CRPPA: variants seen among roughly 807,000 people sequenced by gnomAD.
The protein encoded by CRPPA is D-ribitol-5-phosphate cytidylyltransferase.
A neutral mutation model predicts 52.0 loss-of-function variants in CRPPA; 43 were observed. The ratio of observed to expected loss-of-function variants is 0.83; its 90% CI spans 0.65 to 1.07. The LOEUF (loss-of-function observed/expected upper bound fraction) is 1.07, where lower values mean the gene tolerates loss of function less well. Ranked by LOEUF, CRPPA falls within the 50% of genes least tolerant of loss-of-function variation. CRPPA has a pLI of 0.00. For synonymous variants in CRPPA, 250 were observed against 203.5 expected, an observed-to-expected ratio of 1.23 and a Z score of -1.94; for missense variants, 629 against 551.7, an observed-to-expected ratio of 1.14 and a Z score of -1.40.
chr7:16,210,405 A>C (rs1214171326), intron 9 of CRPPA: 2 of 152,208 alleles, frequency 1.3e-5, no homozygotes, highest in African/African-American at 2.4e-5. Flanking sequence ...AACCCAGTAC[A>C]GCAAAGGGGA....
chr7:16,313,347 G>T (rs1236876464), intron 3 of CRPPA, among the ~76,000 whole-genome samples: 1 of 151,804 alleles, frequency 6.6e-6, no homozygotes, highest in African/African-American at 2.4e-5. Context: ...TAAGTTTTTA[G>T]GCACAGAGTT....
At chr7:16,294,267 G>C (rs949608600) in intron 5 of CRPPA, among the ~76,000 whole-genome samples, 1 of 151,864 alleles carries the variant, frequency 6.6e-6, no homozygotes, top group Non-Finnish European at 1.5e-5. Flanking sequence ...TCAGAGTGAA[G>C]TGTCAGTGGC....
intron 2 of CRPPA, among the ~76,000 whole-genome samples, 156 bp downstream of exon 2, chr7:16,405,905 T>A (rs1310673441): frequency 6.6e-6 from 1 of 152,208 alleles, no homozygotes; most frequent in Non-Finnish European, 1.5e-5. Flanking sequence ...ACAGTCTCAA[T>A]CTATAAAGTT....
chr7:16,088,687 G>A lies in CRPPA; in HGVS notation c.*3008C>T, dbSNP rs1781750619. On this transcript the variant is annotated 3_prime_UTR_variant, in exon 10 of 10. Coordinates refer to ENST00000407010, the MANE Select transcript of CRPPA (RefSeq NM_001101426.4). ...CCTGCCTCGGCCTCCCAAAGTGCTG[G>A]GATTTCAGGCGTGAGCCATCGCGCC... The A allele has an allele frequency of 1.3e-5, 2 of 154,030 alleles. No homozygotes were observed. The highest frequency in any genetic ancestry group is 4.8e-5 in the African/African-American group (2 of 41,438). The allele number at this position is 154,030 out of a possible 1,614,324, so 9.5% of individuals were successfully genotyped here. A position where few individuals can be genotyped will look rare whatever the true frequency, so the allele number is the denominator to read the frequency against.
chr7:16,342,820 C>CATATATAG (rs369398793), intron 3 of CRPPA, among the ~76,000 whole-genome samples: 18,522 of 86,528 alleles, frequency 0.21, 2,467 homozygotes, highest in South Asian at 0.49. Context: ...TATAGATATA[C>CATATATAG]ATATATAGAT....
intron 9 of CRPPA, among the ~76,000 whole-genome samples, chr7:16,212,390 C>T (rs1185730851): frequency 6.6e-6 from 1 of 152,172 alleles, no homozygotes; most frequent in Non-Finnish European, 1.5e-5. Flanking sequence ...ACGATACACA[C>T]TCCTTACCAT....
intron 9 of CRPPA, among the ~76,000 whole-genome samples, chr7:16,100,407 C>A (rs1215530440): frequency 6.6e-6 from 1 of 152,112 alleles, no homozygotes; most frequent in Non-Finnish European, 1.5e-5. Flanking sequence ...ATAACTTTTC[C>A]AAATTCTAAA....
intron 8 of CRPPA, among the ~76,000 whole-genome samples, chr7:16,243,438 C>T (rs548724470): frequency 8.1e-4 from 124 of 152,226 alleles, no homozygotes; most frequent in African/African-American, 2.4e-3. Flanking sequence ...AATAAAGTTA[C>T]ATCTAGCAAA....
At chr7:16,408,713 A>G (rs74639622) in intron 1 of CRPPA, among the ~76,000 whole-genome samples, 3,993 of 152,314 alleles carry the variant, frequency 0.026, 75 homozygotes, top group East Asian at 0.13. Flanking sequence ...AATGGCAAAC[A>G]GGACTTTGCA....
chr7:16,198,636 C>T (rs1781786675), intron 9 of CRPPA, among the ~76,000 whole-genome samples: 1 of 147,816 alleles, frequency 6.8e-6, no homozygotes. Context: ...CCAAATCTCT[C>T]GTCCCACCTT....
intron 8 of CRPPA, among the ~76,000 whole-genome samples, chr7:16,250,092 T>A (rs1783403836): frequency 6.6e-6 from 1 of 152,100 alleles, no homozygotes; most frequent in South Asian, 2.1e-4. Flanking sequence ...CATACACAAG[T>A]TTCCACAGCT....
At chr7:16,335,159 A>G (rs1213917703) in intron 3 of CRPPA, among the ~76,000 whole-genome samples, 2 of 84,356 alleles carry the variant, frequency 2.4e-5, no homozygotes, top group East Asian at 5.3e-4. Flanking sequence ...CTCTACAAAA[A>G]AAAAAAAAAA....
rs118083765 is a variant in CRPPA, at chr7:16,397,088, G to T, written c.534+8973C>A. ...GTGGGAGAAAACACATGACATGGAA[G>T]ACACACGTGTGAAATAAGACACGTG... On this transcript the variant is annotated intron_variant, in intron 2 of 9. Coordinates refer to ENST00000407010, the MANE Select transcript of CRPPA (RefSeq NM_001101426.4). Among the ~76,000 whole-genome samples, 70 of 152,324 alleles carry T rather than the reference G, an allele frequency of 4.6e-4. No individual in the cohort carries two copies. In the East Asian group the frequency reaches 0.013, roughly 29 times the overall value.
chr7:16,400,417 G>T (rs184419610), intron 2 of CRPPA, among the ~76,000 whole-genome samples: 1 of 152,190 alleles, frequency 6.6e-6, no homozygotes, highest in Non-Finnish European at 1.5e-5. Flanking sequence ...TGACTAACAG[G>T]TGACTGACAT....
At chr7:16,340,450 C>T (rs1785793643) in intron 3 of CRPPA, among the ~76,000 whole-genome samples, 1 of 151,740 alleles carries the variant, frequency 6.6e-6, no homozygotes, top group Non-Finnish European at 1.5e-5. Context: ...GACACCTCAC[C>T]AAAGAGGAAG....
intron 5 of CRPPA, among the ~76,000 whole-genome samples, chr7:16,286,044 AATATATATATATATATATATATATAT>A (rs1175134468): frequency 2.4e-4 from 3 of 12,546 alleles, no homozygotes; most frequent in Non-Finnish European, 2.4e-4. Flanking sequence ...AAAAAATATA[AATATATATATATATATATATATATAT>A]ATATATATAT....
chr7:16,209,160 T>G (rs1229772946), intron 9 of CRPPA: 1 of 353,810 alleles, frequency 2.8e-6, no homozygotes. Flanking sequence ...GCTTAGTGCA[T>G]TAAGCCCAGA....
chr7:16,347,702 A>G (rs1786050517), intron 3 of CRPPA, among the ~76,000 whole-genome samples: 1 of 152,128 alleles, frequency 6.6e-6, no homozygotes, highest in Admixed American at 6.6e-5. Context: ...GAAAACATCC[A>G]CACTGGATGG....
At chr7:16,109,697 G>A (rs1479604521) in intron 9 of CRPPA, among the ~76,000 whole-genome samples, 2 of 151,836 alleles carry the variant, frequency 1.3e-5, no homozygotes, top group Admixed American at 1.3e-4. Context: ...TTAACAGAAT[G>A]AAGGAAAAAA....
Sources: allele counts gnomAD v4.1 joint callset (sites outside exome capture counted in the v4.1 genomes callset), GRCh38; gene constraint gnomAD v4.1.1; transcripts MANE v1.5; gene names NCBI Gene and HGNC (gene_info 2026-07-23, HGNC 2026-07-21).